WDPCP: variants seen among roughly 807,000 people sequenced by gnomAD.
WDPCP encodes the protein WD repeat containing planar cell polarity effector.
In WDPCP, 71 loss-of-function variants were observed where a neutral mutation model predicts 93.1. The observed-to-expected ratio is 0.76, with a 90% CI of 0.63 to 0.93. The LOEUF is 0.93. WDPCP is among the 40% of genes least tolerant of loss of function. The probability of loss-of-function intolerance (pLI) is 0.00; values close to 1 mark genes in which losing one functional copy is unlikely to be tolerated. For missense variants in WDPCP, 844 were observed against 887.4 expected (o/e 0.95, Z 0.62); for synonymous variants, 315 against 315.0 (o/e 1.00, Z 0.00).
intron 13 of WDPCP, among the ~76,000 whole-genome samples, chr2:63,267,158 G>A (rs755936826): frequency 7.2e-5 from 11 of 152,128 alleles, no homozygotes; most frequent in Non-Finnish European, 1.6e-4. Context: ...AAGATAGAAA[G>A]CCCAGATACA....
chr2:63,831,081 C>T (rs935187372), upstream of WDPCP, among the ~76,000 whole-genome samples: 2 of 152,136 alleles, frequency 1.3e-5, no homozygotes, highest in Admixed American at 6.6e-5. Flanking sequence ...TAACTGTTCC[C>T]CTTGACTCTT....
chr2:63,208,319 T>C (rs1676495464), intron 14 of WDPCP, among the ~76,000 whole-genome samples: 1 of 152,168 alleles, frequency 6.6e-6, no homozygotes, highest in Non-Finnish European at 1.5e-5. Flanking sequence ...TCTGTACCTT[T>C]AAGGGGGTGA....
chr2:63,593,651 A>G (rs1415124795), upstream of WDPCP: 1 of 471,638 alleles, frequency 2.1e-6, no homozygotes, highest in South Asian at 1.5e-5. Flanking sequence ...GTGACAGTGG[A>G]AGTACATTTA....
chr2:63,434,159 G>A (rs1372415555), intron 8 of WDPCP, among the ~76,000 whole-genome samples: 1 of 152,092 alleles, frequency 6.6e-6, no homozygotes, highest in Non-Finnish European at 1.5e-5. Flanking sequence ...GGAAGGAAAA[G>A]GAGAAATGTG....
Position 63,503,741 on chromosome 2 carries a change from A to G in WDPCP, c.76-10801T>C, listed in dbSNP as rs539222020. On this transcript the variant is annotated intron_variant, in intron 1 of 17. Transcript: ENST00000272321. Reference sequence around the variant, plus strand: ...GAAAAAACGTAACTTTGAAGAGAAAATAAATTGAATTTCAGGAATAACTCC... The same window carrying G: ...GAAAAAACGTAACTTTGAAGAGAAAGTAAATTGAATTTCAGGAATAACTCC... Among the ~76,000 whole-genome samples, 257 of 152,266 alleles carry G rather than the reference A, an allele frequency of 1.7e-3. 2 individuals are homozygous for G. Among genetic ancestry groups the G allele is most frequent in the African/African-American group, 5.9e-3 (245 of 41,564 alleles).
At chr2:63,783,229 T>A (rs941653210) in intron 2 of WDPCP, among the ~76,000 whole-genome samples, 1 of 151,398 alleles carries the variant, frequency 6.6e-6, no homozygotes, top group Non-Finnish European at 1.5e-5. Context: ...CTGGACAATA[T>A]GGCAAGACTC....
chr2:63,677,856 G>T lies in WDPCP; in HGVS notation n.309-27018C>A, dbSNP rs545899907. 2.0e-5 allele frequency among the ~76,000 whole-genome samples: 3 copies of T among 152,204 alleles called. No individual in the cohort carries two copies. In the East Asian group the frequency reaches 5.8e-4, roughly 29 times the overall value. On this transcript the variant is annotated intron_variant and non_coding_transcript_variant, in intron 2 of 4. Coordinates refer to the WDPCP transcript ENST00000467687. ...AAACTTGGAAAAAGCAATGGATAGGGTAAATGCGTGGGTAAATCTACATGA... is the reference window on the plus strand; with the variant it reads ...AAACTTGGAAAAAGCAATGGATAGGTTAAATGCGTGGGTAAATCTACATGA...
intron 14 of WDPCP, among the ~76,000 whole-genome samples, chr2:63,190,406 C>G (rs1266780418): frequency 6.9e-6 from 1 of 143,890 alleles, no homozygotes; most frequent in Non-Finnish European, 1.5e-5. Flanking sequence ...GCACTCCAGC[C>G]TGGGTGACAG....
At chr2:63,423,588 A>C (rs1261660630) in intron 9 of WDPCP, among the ~76,000 whole-genome samples, 1 of 152,232 alleles carries the variant, frequency 6.6e-6, no homozygotes, top group Non-Finnish European at 1.5e-5. Flanking sequence ...GTAAGAGATC[A>C]TGAAATTACC....
intron 3 of WDPCP, among the ~76,000 whole-genome samples, chr2:63,634,509 A>G: frequency 6.6e-6 from 1 of 152,252 alleles, no homozygotes; most frequent in East Asian, 1.9e-4. Flanking sequence ...ACTACAATTT[A>G]GATCAAATGT....
chr2:63,525,246 G>C (rs990582907), intron 1 of WDPCP, among the ~76,000 whole-genome samples: 2 of 152,132 alleles, frequency 1.3e-5, no homozygotes, highest in African/African-American at 4.8e-5. Flanking sequence ...GCCTACCTGA[G>C]GGTGGAGGGT....
intron 1 of WDPCP, among the ~76,000 whole-genome samples, chr2:63,570,523 T>C (rs1707405042): frequency 6.6e-6 from 1 of 152,066 alleles, no homozygotes; most frequent in South Asian, 2.1e-4. Context: ...AGTGACAAAA[T>C]AAAGCCAAGG....
At chr2:63,422,683 G>T (rs1231778530) in intron 9 of WDPCP, among the ~76,000 whole-genome samples, 1 of 152,128 alleles carries the variant, frequency 6.6e-6, no homozygotes, top group Non-Finnish European at 1.5e-5. Flanking sequence ...TCAAAAAAGA[G>T]AAAGAACTGA....
chr2:63,246,605 T>C (rs1422644502), intron 14 of WDPCP, among the ~76,000 whole-genome samples: 1 of 152,202 alleles, frequency 6.6e-6, no homozygotes, highest in African/African-American at 2.4e-5. Flanking sequence ...GGATGCCACA[T>C]GTGCTGTTGC....
chr2:63,341,836 T>G (rs1688862182), intron 12 of WDPCP, among the ~76,000 whole-genome samples: 1 of 152,226 alleles, frequency 6.6e-6, no homozygotes, highest in South Asian at 2.1e-4. Flanking sequence ...ATTTTATTTG[T>G]TATTAGTACA....
chr2:63,623,512 A>C (rs924780440), intron 3 of WDPCP, among the ~76,000 whole-genome samples: 1 of 150,278 alleles, frequency 6.7e-6, no homozygotes, highest in African/African-American at 2.4e-5. Context: ...GGAAAGCAGA[A>C]AAAAAAAAAA....
intron 2 of WDPCP, among the ~76,000 whole-genome samples, chr2:63,751,458 A>G (rs1669881267): frequency 6.6e-6 from 1 of 152,188 alleles, no homozygotes; most frequent in African/African-American, 2.4e-5. Flanking sequence ...AATGCTGTAC[A>G]CTTTCTACAG....
At chr2:63,671,863 C>A (rs1003875099) in intron 2 of WDPCP, among the ~76,000 whole-genome samples, 2 of 152,120 alleles carry the variant, frequency 1.3e-5, no homozygotes, top group East Asian at 3.8e-4. Context: ...ACTAACAGAC[C>A]CTTACCATGC....
At chr2:63,280,368 C>G (rs191116378) in intron 13 of WDPCP, among the ~76,000 whole-genome samples, 23 of 152,274 alleles carry the variant, frequency 1.5e-4, no homozygotes, top group African/African-American at 4.3e-4. Flanking sequence ...GACTTATTCA[C>G]TATCACAAGA....
Sources: allele counts gnomAD v4.1 joint callset (sites outside exome capture counted in the v4.1 genomes callset), GRCh38; gene constraint gnomAD v4.1.1; transcripts MANE v1.5; gene names NCBI Gene and HGNC (gene_info 2026-07-23, HGNC 2026-07-21).